SPAG6: variants seen among roughly 807,000 people sequenced by gnomAD.
SPAG6 encodes sperm-associated antigen 6.
In SPAG6, 49 loss-of-function variants were observed where a neutral mutation model predicts 58.5. That is an observed-to-expected ratio of 0.84 (90% CI 0.67 to 1.06). SPAG6 has a LOEUF of 1.06. SPAG6 is among the 50% of genes least tolerant of loss of function. The probability of loss-of-function intolerance (pLI) is 0.00; values close to 1 mark genes in which losing one functional copy is unlikely to be tolerated. For missense variants in SPAG6, 560 were observed against 611.3 expected, an observed-to-expected ratio of 0.92 and a Z score of 0.89; for synonymous variants, 233 against 225.6, an observed-to-expected ratio of 1.03 and a Z score of -0.29.
At chr10:22,407,892 C>T (rs1222455495) in intron 9 of SPAG6, among the ~76,000 whole-genome samples, 1 of 151,220 alleles carries the variant, frequency 6.6e-6, no homozygotes, top group East Asian at 1.9e-4. Context: ...TTCATTTCAT[C>T]TTCCATTGCT....
Position 22,411,138 on chromosome 10 carries a change from C to T in SPAG6, c.1422C>T (p.Ile474=). Residue 474 remains isoleucine, a synonymous_variant, in exon 10 of 11, where the codon ATC becomes ATT. Transcript: ENST00000376624. ...AEPGSLLQEY[I]NSINSCYPEE... ...CTGGTTCTCTCCTTCAAGAATACATCAACAGTATTAACAGTTGTTACCCCG... is the reference window on the plus strand; with the variant it reads ...CTGGTTCTCTCCTTCAAGAATACATTAACAGTATTAACAGTTGTTACCCCG... 6.2e-7 allele frequency: 1 copy of T among 1,613,730 alleles called. No homozygotes were observed. The highest frequency in any genetic ancestry group is 8.5e-7 in the Non-Finnish European group (1 of 1,179,728).
intron 2 of SPAG6, among the ~76,000 whole-genome samples, chr10:22,350,316 T>C (rs1210940812): frequency 2.6e-5 from 4 of 152,164 alleles, no homozygotes; most frequent in African/African-American, 9.7e-5. Flanking sequence ...CAGAATTTTA[T>C]TCTGTGTTCC....
At chr10:22,407,413 A>C (rs1354452691) in intron 9 of SPAG6, among the ~76,000 whole-genome samples, 2 of 151,528 alleles carry the variant, frequency 1.3e-5, no homozygotes, top group Admixed American at 6.6e-5. Flanking sequence ...GTTTGGCTGG[A>C]TATGAAATTC....
At position 22,380,751 on chromosome 10, in the gene SPAG6, C is replaced by T. The variant is rs11816434; in HGVS notation, c.473-6003C>T. ...CTGCAAAGAAATGATTAATTTATAACTTTGTTGTATTTTTTAATGAAACAA... is the reference window on the plus strand; with the variant it reads ...CTGCAAAGAAATGATTAATTTATAATTTTGTTGTATTTTTTAATGAAACAA... On this transcript the variant is annotated intron_variant, in intron 4 of 10. Transcript: ENST00000376624. 9.9e-3 allele frequency among the ~76,000 whole-genome samples: 1,499 copies of T among 151,684 alleles called. 25 individuals are homozygous for T. Among genetic ancestry groups the T allele is most frequent in the African/African-American group, 0.034 (1,391 of 41,316 alleles).
intron 2 of SPAG6, among the ~76,000 whole-genome samples, chr10:22,346,479 T>TTCTTCTTCC (rs1564357282): frequency 7.1e-6 from 1 of 141,502 alleles, no homozygotes; most frequent in African/African-American, 3.1e-5. Flanking sequence ...CTTCTTCTTC[T>TTCTTCTTCC]TCTTCTTCTT....
chr10:22,411,062 T>C lies in SPAG6; in HGVS notation c.1346T>C (p.Leu449Pro), dbSNP rs1834719847. 2 of 1,613,964 alleles carry C rather than the reference T, an allele frequency of 1.2e-6. No homozygotes were observed. The highest frequency in any genetic ancestry group is 1.3e-5 in the African/African-American group (1 of 74,946). ...VLPHDSKARR[L>P]FVTSGGLKKV... ...CCGCATGATAGCAAAGCTCGACGAC[T>C]TTTTGTAACAAGTGGTGGCCTTAAA... The change falls in exon 10 of 11, where the codon CTT becomes CCT. Residue 449 changes from leucine to proline, a missense_variant. Leu to Pro is a moderately conservative substitution (Grantham distance 98). Transcript: ENST00000376624.
At chr10:22,391,485 G>C (rs573729283) in intron 7 of SPAG6, among the ~76,000 whole-genome samples, 1 of 152,184 alleles carries the variant, frequency 6.6e-6, no homozygotes, top group African/African-American at 2.4e-5. Flanking sequence ...TCTCTATTTG[G>C]GGGGTAAAAG....
At chr10:22,383,805 A>G (rs1264538572) in intron 4 of SPAG6, among the ~76,000 whole-genome samples, 1 of 151,940 alleles carries the variant, frequency 6.6e-6, no homozygotes, top group Non-Finnish European at 1.5e-5. Flanking sequence ...TCATGTATTC[A>G]CTCTGAGCAG....
At chr10:22,412,617 C>A in intron 10 of SPAG6, 1 of 638,804 alleles carries the variant, frequency 1.6e-6, no homozygotes, top group Non-Finnish European at 2.5e-6. Context: ...TGTCTCCAGG[C>A]TGGAGTGCAG....
intron 4 of SPAG6, among the ~76,000 whole-genome samples, chr10:22,369,826 C>T (rs1274647084): frequency 2.0e-5 from 3 of 152,168 alleles, no homozygotes; most frequent in African/African-American, 4.8e-5. Context: ...GACGTGTGCA[C>T]ATTGGTGGAG....
intron 3 of SPAG6, among the ~76,000 whole-genome samples, chr10:22,367,114 T>G (rs1393096601): frequency 3.3e-5 from 5 of 151,860 alleles, no homozygotes; most frequent in African/African-American, 1.2e-4. Context: ...TCAGAAAGTG[T>G]TAGTTATAGG....
intron 2 of SPAG6, among the ~76,000 whole-genome samples, 182 bp from the exon 3 acceptor site, chr10:22,364,671 C>A (rs527516413): frequency 1.3e-5 from 2 of 152,132 alleles, no homozygotes; most frequent in African/African-American, 2.4e-5. Flanking sequence ...TAACAATGAT[C>A]GCTTGTATTA....
intron 2 of SPAG6, among the ~76,000 whole-genome samples, chr10:22,354,067 A>T (rs930306881): frequency 2.0e-5 from 3 of 152,228 alleles, no homozygotes; most frequent in Non-Finnish European, 2.9e-5. Context: ...TATGAAGTTT[A>T]GATTTCTCCT....
intron 10 of SPAG6, among the ~76,000 whole-genome samples, chr10:22,415,811 G>T (rs1834853874): frequency 6.6e-6 from 1 of 152,018 alleles, no homozygotes; most frequent in African/African-American, 2.4e-5. Context: ...GAGAATTTTT[G>T]AATTATACTT....
chr10:22,358,187 T>G (rs1836923345), intron 2 of SPAG6, among the ~76,000 whole-genome samples: 1 of 152,178 alleles, frequency 6.6e-6, no homozygotes. Context: ...TTGAACTAGT[T>G]TACAGTCCCA....
intron 2 of SPAG6, among the ~76,000 whole-genome samples, chr10:22,353,466 C>T (rs1354826954): frequency 6.6e-6 from 1 of 152,226 alleles, no homozygotes; most frequent in Admixed American, 6.5e-5. Flanking sequence ...TTCCTTAAAA[C>T]TTTATGAATT....
chr10:22,388,122 T>C, intron 6 of SPAG6, 126 bp downstream of exon 6: 1 of 731,176 alleles, frequency 1.4e-6, no homozygotes, highest in Non-Finnish European at 2.2e-6. Flanking sequence ...ATTTCTCGTC[T>C]TCTACTGATG....
At chr10:22,399,344 A>G (rs1834361485) in intron 8 of SPAG6, among the ~76,000 whole-genome samples, 1 of 152,166 alleles carries the variant, frequency 6.6e-6, no homozygotes, top group South Asian at 2.1e-4. Flanking sequence ...CCAGACAACT[A>G]TTAATCTACT....
intron 5 of SPAG6, among the ~76,000 whole-genome samples, 178 bp from the exon 6 acceptor site, chr10:22,387,645 G>T (rs1834099259): frequency 3.9e-5 from 6 of 152,156 alleles, no homozygotes; most frequent in Admixed American, 3.3e-4. Context: ...TAGAACTTGG[G>T]TATAAGACTT....
Sources: allele counts gnomAD v4.1 joint callset (sites outside exome capture counted in the v4.1 genomes callset), GRCh38; gene constraint gnomAD v4.1.1; transcripts MANE v1.5; gene names NCBI Gene and HGNC (gene_info 2026-07-23, HGNC 2026-07-21).